Variants in C12orf42 observed in about 807,000 individuals in gnomAD.
The protein encoded by C12orf42 is uncharacterized protein C12orf42.
Under a neutral mutation model 21.6 loss-of-function variants are expected in C12orf42, and 25 were observed. The ratio of observed to expected loss-of-function variants is 1.16; its 90% confidence interval spans 0.84 to 1.62. The LOEUF (loss-of-function observed/expected upper bound fraction) is 1.62, where lower values mean the gene tolerates loss of function less well. C12orf42 is among the 40% of genes most tolerant of loss of function. The pLI, the probability that C12orf42 is intolerant of heterozygous loss-of-function variation, is 0.00. For synonymous variants in C12orf42, 174 were observed against 175.0 expected, an observed-to-expected ratio of 0.99 and a Z score of 0.05; for missense variants, 483 against 459.3, an observed-to-expected ratio of 1.05 and a Z score of -0.47.
intron 1 of C12orf42, among the ~76,000 whole-genome samples, chr12:103,479,194 G>C (rs558449741): frequency 5.7e-4 from 87 of 152,196 alleles, no homozygotes; most frequent in African/African-American, 1.9e-3. Context: ...TGTTTTAAAA[G>C]ATCTCAGAAT....
At chr12:103,079,882 T>C in the C12orf42 span, among the ~76,000 whole-genome samples, 73 of 152,318 alleles carry the variant, frequency 4.8e-4, no homozygotes, top group African/African-American at 1.6e-3. Context: ...GTTAGTCATA[T>C]TGCTAACTTG....
chr12:103,254,202 C>T (rs1368409919), intron 10 of C12orf42, among the ~76,000 whole-genome samples: 1 of 152,114 alleles, frequency 6.6e-6, no homozygotes, highest in Admixed American at 6.5e-5. Context: ...TATGGCTAGC[C>T]ACTTTTTCCA....
intron 2 of C12orf42, among the ~76,000 whole-genome samples, chr12:103,422,512 T>C (rs1008393600): frequency 6.6e-6 from 1 of 152,158 alleles, no homozygotes; most frequent in Non-Finnish European, 1.5e-5. Context: ...TCATTAGTGG[T>C]TCTGAGTCCC....
downstream of C12orf42, among the ~76,000 whole-genome samples, chr12:103,300,595 C>A (rs2037583329): frequency 6.6e-6 from 1 of 152,118 alleles, no homozygotes. Context: ...TTGAAATTGA[C>A]CATTACAAAT....
chr12:103,539,579 A>AATT, the C12orf42 span, among the ~76,000 whole-genome samples: 40 of 146,166 alleles, frequency 2.7e-4, no homozygotes, highest in African/African-American at 9.7e-4. Flanking sequence ...TGTAAGTTTA[A>AATT]TTTTTTTTTT....
the C12orf42 span, among the ~76,000 whole-genome samples, chr12:103,526,109 C>T: frequency 1.4e-4 from 21 of 152,312 alleles, no homozygotes; most frequent in African/African-American, 4.6e-4. Flanking sequence ...CAATCACCCA[C>T]ATGTGTTTTA....
chr12:103,457,787 G>A (rs531471776), intron 2 of C12orf42, among the ~76,000 whole-genome samples: 10 of 152,212 alleles, frequency 6.6e-5, no homozygotes, highest in East Asian at 5.8e-4. Context: ...GGCAGGGGGT[G>A]GGGGGAGTCA....
the C12orf42 span, among the ~76,000 whole-genome samples, chr12:103,099,516 G>A: frequency 6.6e-6 from 1 of 152,178 alleles, no homozygotes; most frequent in African/African-American, 2.4e-5. Flanking sequence ...GGTGAGCTAA[G>A]GAGTTAAGAA....
intron 10 of C12orf42, among the ~76,000 whole-genome samples, chr12:103,249,403 G>T (rs960185453): frequency 2.0e-4 from 30 of 151,978 alleles, no homozygotes; most frequent in African/African-American, 7.2e-4. Flanking sequence ...ATGAGTCAAA[G>T]ACAGCAAAAG....
At chr12:103,156,407 G>C in the C12orf42 span, among the ~76,000 whole-genome samples, 1 of 152,106 alleles carries the variant, frequency 6.6e-6, no homozygotes, top group African/African-American at 2.4e-5. Flanking sequence ...CTCAATGTGG[G>C]TGCAGATTGC....
chr12:103,060,554 C>A, the C12orf42 span, among the ~76,000 whole-genome samples: 1 of 152,172 alleles, frequency 6.6e-6, no homozygotes, highest in South Asian at 2.1e-4. Flanking sequence ...ATGGAGGCAT[C>A]ATGCTACCTG....
intron 2 of C12orf42, among the ~76,000 whole-genome samples, chr12:103,423,717 G>T (rs1238167461): frequency 6.6e-6 from 1 of 152,276 alleles, no homozygotes; most frequent in East Asian, 1.9e-4. Flanking sequence ...AGACTTGACA[G>T]ATATTTAAAA....
At chr12:103,529,371 C>T in the C12orf42 span, among the ~76,000 whole-genome samples, 1 of 152,232 alleles carries the variant, frequency 6.6e-6, no homozygotes, top group Non-Finnish European at 1.5e-5. Context: ...AAATGTTAGA[C>T]TTTGTCCATT....
At chr12:103,507,214 A>T in the C12orf42 span, among the ~76,000 whole-genome samples, 1 of 35,656 alleles carries the variant, frequency 2.8e-5, no homozygotes, top group African/African-American at 2.4e-4. Flanking sequence ...TTATATATAT[A>T]ATATATAAAT....
intron 2 of C12orf42, among the ~76,000 whole-genome samples, chr12:103,413,646 T>C (rs560005709): frequency 6.6e-6 from 1 of 152,184 alleles, no homozygotes; most frequent in Admixed American, 6.5e-5. Flanking sequence ...CACCCTTCAC[T>C]TCAAGTCCCC....
chr12:103,563,557 A>G, the C12orf42 span, among the ~76,000 whole-genome samples: 4 of 152,218 alleles, frequency 2.6e-5, no homozygotes, highest in African/African-American at 4.8e-5. Flanking sequence ...GCATTCTGCT[A>G]TCTCATCTTA....
chr12:103,467,799 T>G (rs1255537896), intron 2 of C12orf42, among the ~76,000 whole-genome samples: 2 of 152,208 alleles, frequency 1.3e-5, no homozygotes. Context: ...TTGGGGAACT[T>G]TCTGACATTA....
intron 4 of C12orf42, among the ~76,000 whole-genome samples, chr12:103,312,719 CTG>C (rs762847269): frequency 1.4e-4 from 21 of 152,216 alleles, no homozygotes; most frequent in Non-Finnish European, 2.6e-4. Context: ...GTAAGCATCT[CTG>C]TGTCTTATTT....
At chr12:103,119,588 T>C in the C12orf42 span, among the ~76,000 whole-genome samples, 1 of 152,290 alleles carries the variant, frequency 6.6e-6, no homozygotes, top group South Asian at 2.1e-4. Context: ...ATGGAATCAT[T>C]GTGCCGCGTC....
Sources: gnomAD v4.1 joint callset for allele counts (sites outside exome capture counted in the v4.1 genomes callset) on GRCh38, gnomAD v4.1.1 for gene constraint, MANE v1.5 for transcripts, NCBI Gene and HGNC (gene_info 2026-07-23, HGNC 2026-07-21) for gene names.